Variants in EXD3 observed in about 807,000 individuals in gnomAD.
The protein encoded by EXD3 is exonuclease mut-7 homolog.
In EXD3, 92 loss-of-function variants were observed where a neutral mutation model predicts 98.0. The ratio of observed to expected loss-of-function variants is 0.94; its 90% confidence interval spans 0.79 to 1.12. The LOEUF is 1.12. Ranked by LOEUF, EXD3 falls within the 50% of genes most tolerant of loss-of-function variation. The pLI is 0.00. For missense variants in EXD3, 1,222 were observed against 1,191.6 expected (o/e 1.03, Z -0.38); for synonymous variants, 569 against 526.0 (o/e 1.08, Z -1.12).
At chr9:137,413,133 C>T (rs1422328226) in intron 1 of EXD3, among the ~76,000 whole-genome samples, 2 of 152,076 alleles carry the variant, frequency 1.3e-5, no homozygotes, top group Admixed American at 1.3e-4. Context: ...ATAAAATTTA[C>T]CCTCAAAGTT....
intron 17 of EXD3, among the ~76,000 whole-genome samples, chr9:137,327,135 C>A (rs941498645): frequency 5.8e-5 from 8 of 138,284 alleles, no homozygotes; most frequent in Non-Finnish European, 1.3e-4. Context: ...GGTACGGAGT[C>A]TTTTTTTTTT....
intron 2 of EXD3, among the ~76,000 whole-genome samples, chr9:137,387,564 T>A (rs1836667812): frequency 6.6e-6 from 1 of 151,636 alleles, no homozygotes; most frequent in Non-Finnish European, 1.5e-5. Context: ...AAGCGAGCTC[T>A]GTGAGCCCCA....
At chr9:137,352,391 C>G (rs1834351927) in intron 11 of EXD3, among the ~76,000 whole-genome samples, 190 bp from the exon 12 acceptor site, 1 of 152,224 alleles carries the variant, frequency 6.6e-6, no homozygotes, top group Non-Finnish European at 1.5e-5. Context: ...GCCCTGGTGA[C>G]TGTCCCCCCA....
At position 137,393,293 on chromosome 9, in the gene EXD3, G is replaced by A. The variant is rs1359242069; in HGVS notation, c.55+2010C>T. 6 of 698,892 alleles carry A rather than the reference G, an allele frequency of 8.6e-6. No individual in the cohort carries two copies. Among genetic ancestry groups the A allele is most frequent in the Admixed American group, 2.0e-5 (1 of 49,914 alleles). The allele number at this position is 698,892 out of a possible 1,614,324, so 43.3% of individuals were successfully genotyped here. A position where few individuals can be genotyped will look rare whatever the true frequency, so the allele number is the denominator to read the frequency against. On this transcript the variant is annotated intron_variant, in intron 2 of 21. Transcript: ENST00000340951. This position sits in a 1 kb window ranked among gnomAD's most constrained non-coding sequence, Gnocchi z 4.6. ...GAACCCAGGGTCCCATGCGCTCCCC[G>A]GCCCTGACGGCGGTCTCCAGGGGAG...
rs1218426754 is a variant in EXD3 at position 137,307,263 on chromosome 9, C to T, written c.2318G>A (p.Gly773Asp). The T allele has an allele frequency of 2.6e-6, 4 of 1,509,892 alleles. No individual in the cohort carries two copies. In the African/African-American group the frequency reaches 4.2e-5, roughly 16 times the overall value. 93.5% of individuals were successfully genotyped at this position (1,509,892 alleles called of 1,614,324 possible). Residue 773 changes from glycine to aspartate, a missense_variant and splice_region_variant, in exon 22 of 22, where the codon GGC (glycine) becomes GAC (aspartate). Transcript: ENST00000340951. ...CTCAGGGGCTGCGTCTGGGGCTGGG[C>T]CTGGACAGATAGAAGTGGACTCCCT... ...ATQSQAVQEP[G>D]PAPDAAPEGC...
chr9:137,369,091 G>A (rs1195363314), intron 5 of EXD3, among the ~76,000 whole-genome samples: 2 of 149,198 alleles, frequency 1.3e-5, no homozygotes, highest in Non-Finnish European at 3.0e-5. Flanking sequence ...CGTGGGGAGG[G>A]GCGCAGGGCC....
chr9:137,377,788 A>ATT (rs571059789), intron 3 of EXD3, among the ~76,000 whole-genome samples: 1,721 of 131,758 alleles, frequency 0.013, 45 homozygotes, highest in African/African-American at 0.046. Flanking sequence ...TAGTCGTTGA[A>ATT]TTTTTTTTTT....
intron 10 of EXD3, chr9:137,353,250 G>C: frequency 3.1e-6 from 3 of 978,228 alleles, no homozygotes; most frequent in Non-Finnish European, 3.6e-6. Flanking sequence ...GCCTCCACTG[G>C]CCCTCCTGGC....
rs1318712313 is a variant in EXD3 at position 137,403,927 on chromosome 9, A to C, written c.-47-8523T>G. ...CCACGCCATCTCTGCATAGACCCCG[A>C]AGGATGTGGAGTGTCCTCCAGGGCC... On this transcript the variant is annotated intron_variant, in intron 1 of 21. Transcript: ENST00000340951. This position sits in a 1 kb window ranked among gnomAD's most constrained non-coding sequence, Gnocchi z 6.1. Among the ~76,000 whole-genome samples the C allele has an allele frequency of 6.6e-6, 1 of 152,132 alleles. No homozygotes were observed. The highest frequency in any genetic ancestry group is 1.5e-5 in the Non-Finnish European group (1 of 68,016).
intron 17 of EXD3, among the ~76,000 whole-genome samples, chr9:137,344,744 A>G (rs1324004254): frequency 6.7e-6 from 1 of 149,990 alleles, no homozygotes; most frequent in Non-Finnish European, 1.5e-5. Context: ...ACATTCTATC[A>G]TAAGCAGCAG....
chr9:137,395,524 G>GC lies in EXD3; in HGVS notation c.-47-121_-47-120insG. 1.1e-6 allele frequency: 1 copy of GC among 904,476 alleles called. No individual in the cohort carries two copies. The highest frequency in any genetic ancestry group is 1.7e-6 in the Non-Finnish European group (1 of 596,752). The allele number at this position is 904,476 out of a possible 1,614,324, so 56.0% of individuals were successfully genotyped here. On this transcript the variant is annotated intron_variant, in intron 1 of 21. Transcript: ENST00000340951. This position sits in a 1 kb window ranked among gnomAD's most constrained non-coding sequence, Gnocchi z 6.5. ...CTGGTGCCTGGGGGGGCCCAAGTGG[G>GC]ACCCCCAGTCGCTGAGCATAGCGGG...
rs1251547171 is a variant in EXD3 at position 137,366,532 on chromosome 9, G to C, written c.617C>G (p.Ser206Cys). The change falls in exon 7 of 22, where the codon TCC (serine) becomes TGC (cysteine). Residue 206 changes from serine to cysteine, a missense_variant. By Grantham distance (112) the Ser-to-Cys change is moderately radical (BLOSUM62 -1). Transcript: ENST00000340951. ...LQRRLLVLMD[S>C]WCQPGFDIKD... is the part of the protein sequence containing the mutation. ...GATGTCAAAGCCGGGCTGGCACCAG[G>C]AATCCATGAGGACCAGCAGCCTCCT... is the stretch of plus-strand genomic sequence containing the variant. 6.4e-7 allele frequency: 1 copy of C among 1,551,402 alleles called. No individual in the cohort carries two copies. Among genetic ancestry groups the C allele is most frequent in the Non-Finnish European group, 8.7e-7 (1 of 1,147,562 alleles).
chr9:137,354,612 C>A (rs1354248024), intron 9 of EXD3, 88 bp downstream of exon 9: 1 of 1,579,404 alleles, frequency 6.3e-7, no homozygotes, highest in Non-Finnish European at 8.5e-7. Context: ...TGTCTGTGCA[C>A]CCTGCAGTGC....
intron 19 of EXD3, 67 bp downstream of exon 19, chr9:137,323,658 C>G (rs1009869876): frequency 5.1e-6 from 8 of 1,578,396 alleles, no homozygotes; most frequent in Non-Finnish European, 6.9e-6. Context: ...GGGCCCACCT[C>G]CCTGGACACC....
At chr9:137,335,713 A>AT (rs1833322671) in intron 17 of EXD3, among the ~76,000 whole-genome samples, 1 of 152,160 alleles carries the variant, frequency 6.6e-6, no homozygotes, top group African/African-American at 2.4e-5. Flanking sequence ...TTAGTACAAC[A>AT]TCTGTGAAAA....
At chr9:137,408,178 C>T (rs1342585722) in intron 1 of EXD3, among the ~76,000 whole-genome samples, 1 of 152,128 alleles carries the variant, frequency 6.6e-6, no homozygotes, top group East Asian at 1.9e-4. Flanking sequence ...TTCCTCTGGG[C>T]GCCTGGATGT....
chr9:137,328,628 GGGA>G (rs1588263080), intron 17 of EXD3, among the ~76,000 whole-genome samples: 1 of 87,456 alleles, frequency 1.1e-5, no homozygotes, highest in South Asian at 4.3e-4. Context: ...GGGACTACAC[GGGA>G]CTACACGGGG....
chr9:137,366,172 G>T lies in EXD3; in HGVS notation c.656+321C>A, dbSNP rs1272780214. ...CTTCCAAAAACTTTATTAGATGAAA[G>T]AACAAAGGAATGGATGAACAAGAAA... is the stretch of plus-strand genomic sequence containing the variant. On this transcript the variant is annotated intron_variant, in intron 7 of 21. Coordinates refer to ENST00000340951, the MANE Select transcript of EXD3 (RefSeq NM_017820.5). 4.3e-6 allele frequency: 3 copies of T among 701,634 alleles called. No homozygotes were observed. The South Asian group carries it at 4.5e-5, about 11-fold the overall frequency. The allele number at this position is 701,634 out of a possible 1,614,324, so 43.5% of individuals were successfully genotyped here. A position where few individuals can be genotyped will look rare whatever the true frequency, so the allele number is the denominator to read the frequency against.
At chr9:137,346,238 CAAAAAAAAAAAAA>C (rs563761495) in intron 17 of EXD3, among the ~76,000 whole-genome samples, 14 of 13,616 alleles carry the variant, frequency 1.0e-3, no homozygotes, top group African/African-American at 3.7e-3. Flanking sequence ...GACTCCGTCT[CAAAAAAAAAAAAA>C]AAAAAAAAAA....
Sources: allele counts gnomAD v4.1 joint callset (sites outside exome capture counted in the v4.1 genomes callset), GRCh38; gene constraint gnomAD v4.1.1; non-coding constraint Gnocchi (gnomAD v3.1); transcripts MANE v1.5; gene names NCBI Gene and HGNC (gene_info 2026-07-23, HGNC 2026-07-21).